The following ASXL2 variants were observed in gnomAD, a reference collection of about 807,000 sequenced individuals.
ASXL2 encodes ASXL transcriptional regulator 2.
A neutral mutation model predicts 122.0 loss-of-function variants in ASXL2; 23 were observed. The observed-to-expected ratio is 0.19, with a 90% CI of 0.14 to 0.27. ASXL2 has a LOEUF of 0.27. ASXL2 is among the 10% of genes least tolerant of loss of function. ASXL2 has a pLI of 1.00. For missense variants in ASXL2, 1,518 were observed against 1,713.8 expected (o/e 0.89, Z 2.02); for synonymous variants, 650 against 637.0 (o/e 1.02, Z -0.31).
At chr2:25,819,078 C>G (rs765510660) in intron 3 of ASXL2, among the ~76,000 whole-genome samples, 6 of 152,150 alleles carry the variant, frequency 3.9e-5, no homozygotes, top group African/African-American at 1.2e-4. Context: ...AATCCAGACC[C>G]TCAATCTGAT....
At chr2:25,817,451 C>T (rs75274092) in intron 3 of ASXL2, among the ~76,000 whole-genome samples, 1 of 152,214 alleles carries the variant, frequency 6.6e-6, no homozygotes, top group East Asian at 1.9e-4. Context: ...CTTTCTTGGT[C>T]TCTTCAATTA....
Position 25,767,618 on chromosome 2 carries a change from T to C in ASXL2, c.740A>G (p.Lys247Arg). ...KVENTLLGLG[K>R]KSFQRSERLH... The stretch of plus-strand genomic sequence containing the variant: ...TCTCTCAGATCTCTGGAATGACTTC[T>C]TCCCCAAGCCTAGTAAAGTATTTTC... The change falls in exon 8 of 13, where the codon AAG becomes AGG. Residue 247 changes from lysine (K) to arginine (R), a missense_variant. Around this residue, in one of 8 missense-constraint regions of ASXL2, gnomAD observed 198 missense variants for 209.0 expected, o/e 0.95. Transcript: ENST00000435504. 2 of 1,613,972 alleles carry C rather than the reference T, an allele frequency of 1.2e-6. No individual in the cohort carries two copies. The highest frequency in any genetic ancestry group is 1.1e-5 in the South Asian group (1 of 91,084).
chr2:25,742,817 T>A lies in ASXL2; in HGVS notation c.3520A>T (p.Ser1174Cys), dbSNP rs1339414658. Residue 1174 changes from serine to cysteine, a missense_variant, in exon 13 of 13, where the codon AGC becomes TGC. Physicochemically the swap from Ser to Cys is moderately radical, Grantham distance 112. This residue lies in a region of ASXL2 where 831 missense variants were observed against 833.1 expected (regional missense o/e 1.00). Coordinates refer to ENST00000435504, the MANE Select transcript of ASXL2 (RefSeq NM_018263.6). Reference sequence around the variant, plus strand: ...TCAGTGTCATCTTCTTTGCTGCTGCTACTCTCTCCTGTTGCATTTTTACAG... The same window carrying A: ...TCAGTGTCATCTTCTTTGCTGCTGCAACTCTCTCCTGTTGCATTTTTACAG... ...TDCKNATGES[S>C]SSKEDDTDEE... is the part of the protein sequence containing the mutation. The A allele has an allele frequency of 1.2e-6, 2 of 1,614,062 alleles. No individual in the cohort carries two copies. The highest frequency in any genetic ancestry group is 2.2e-5 in the South Asian group (2 of 91,086).
intron 2 of ASXL2, among the ~76,000 whole-genome samples, chr2:25,844,591 C>CA (rs903861995): frequency 3.8e-4 from 56 of 148,576 alleles, no homozygotes; most frequent in African/African-American, 1.1e-3. Context: ...AAAAAACAAA[C>CA]AAAAAAAACA....
intron 1 of ASXL2, among the ~76,000 whole-genome samples, chr2:25,872,324 G>C (rs55796218): frequency 0.042 from 6,464 of 152,140 alleles, 209 homozygotes; most frequent in African/African-American, 0.08. Context: ...AGAAGCTGCA[G>C]TGAGCTAAGA....
At chr2:25,781,959 C>CTTTTTTTTTTTTTTTTTTT in intron 5 of ASXL2, among the ~76,000 whole-genome samples, 1 of 88,400 alleles carries the variant, frequency 1.1e-5, no homozygotes, top group Non-Finnish European at 2.3e-5. Context: ...ACCGCCCGGG[C>CTTTTTTTTTTTTTTTTTTT]TTTTTTCTTT....
At chr2:25,816,557 C>T (rs1179598009) in intron 3 of ASXL2, among the ~76,000 whole-genome samples, 1 of 152,132 alleles carries the variant, frequency 6.6e-6, no homozygotes, top group Non-Finnish European at 1.5e-5. Context: ...AAGGAGAGAA[C>T]AATCCACAGC....
chr2:25,752,474 T>A (rs182780733), intron 11 of ASXL2, among the ~76,000 whole-genome samples: 3 of 152,316 alleles, frequency 2.0e-5, no homozygotes, highest in Non-Finnish European at 4.4e-5. Context: ...ATAGTCCACA[T>A]TACAAAATTC....
intron 3 of ASXL2, chr2:25,810,739 T>C (rs569762619): frequency 1.5e-5 from 9 of 597,608 alleles, no homozygotes; most frequent in African/African-American, 7.3e-5. Context: ...GTGTATCAAG[T>C]CTTGCCTTGA....
chr2:25,867,567 C>A (rs2089920246), intron 1 of ASXL2, among the ~76,000 whole-genome samples: 1 of 152,202 alleles, frequency 6.6e-6, no homozygotes, highest in African/African-American at 2.4e-5. Flanking sequence ...TCCCACCAGT[C>A]TTTCCTGCCC....
intron 1 of ASXL2, among the ~76,000 whole-genome samples, chr2:25,849,066 TATATATATATGGA>T (rs1339662430): frequency 2.2e-5 from 3 of 137,352 alleles, no homozygotes; most frequent in African/African-American, 8.3e-5. Context: ...AAAATTTACA[TATATATATATGGA>T]ATATTTATTT....
At chr2:25,868,509 C>T (rs1383814898) in intron 1 of ASXL2, among the ~76,000 whole-genome samples, 1 of 152,214 alleles carries the variant, frequency 6.6e-6, no homozygotes, top group Non-Finnish European at 1.5e-5. Flanking sequence ...TAACTACATT[C>T]GCATTTACCG....
chr2:25,771,113 G>C (rs1378670767), intron 6 of ASXL2, among the ~76,000 whole-genome samples: 1 of 152,114 alleles, frequency 6.6e-6, no homozygotes, highest in African/African-American at 2.4e-5. Flanking sequence ...GCAGGTGCCT[G>C]TAGTCCCAGC....
At chr2:25,819,096 A>T in intron 3 of ASXL2, among the ~76,000 whole-genome samples, 1 of 152,214 alleles carries the variant, frequency 6.6e-6, no homozygotes, top group Non-Finnish European at 1.5e-5. Context: ...GATAACCCAC[A>T]AGGATTGAAT....
Position 25,845,553 on chromosome 2 carries a change from T to A in ASXL2, c.68A>T (p.Lys23Ile). 7.1e-7 allele frequency: 1 copy of A among 1,410,724 alleles called. No individual in the cohort carries two copies. Among genetic ancestry groups the A allele is most frequent in the Non-Finnish European group, 9.4e-7 (1 of 1,066,876 alleles). 87.4% of individuals were successfully genotyped at this position (1,410,724 alleles called of 1,614,324 possible). ...ATGACTCATGGGTGTATTGGGGTAT[T>A]TTTCTAAGACCTGAAAAACAAGTAT... ...WAEAAKTVLE[K>I]YPNTPMSHKE... Residue 23 changes from lysine (K) to isoleucine (I), a missense_variant, in exon 2 of 13, where the codon AAA (lysine) becomes ATA (isoleucine). Lys to Ile is a moderately radical substitution (Grantham distance 102). This residue lies in a region of ASXL2 where 28 missense variants were observed against 42.2 expected (regional missense o/e 0.66). Coordinates refer to ENST00000435504, the MANE Select transcript of ASXL2 (RefSeq NM_018263.6).
chr2:25,865,437 CAAAATA>C (rs1413849595), intron 1 of ASXL2, among the ~76,000 whole-genome samples: 3 of 142,682 alleles, frequency 2.1e-5, no homozygotes, highest in African/African-American at 2.6e-5. Context: ...GTCTCAGAAA[CAAAATA>C]AAAATAAAAA....
chr2:25,849,009 C>T (rs545959408), intron 1 of ASXL2, among the ~76,000 whole-genome samples: 5 of 135,138 alleles, frequency 3.7e-5, no homozygotes, highest in African/African-American at 8.6e-5. Context: ...CACACCATTG[C>T]GCTCCAACCT....
intron 3 of ASXL2, among the ~76,000 whole-genome samples, chr2:25,814,127 T>C (rs896382982): frequency 5.3e-5 from 8 of 152,192 alleles, no homozygotes; most frequent in African/African-American, 1.9e-4. Context: ...TATAATTTTC[T>C]TTGAAGGAAA....
chr2:25,822,537 T>C (rs2089324636), intron 3 of ASXL2: 1 of 496,818 alleles, frequency 2.0e-6, no homozygotes, highest in Non-Finnish European at 3.9e-6. Context: ...GTGAACACAG[T>C]AAGGATGTTC....
Sources: gnomAD v4.1 joint callset for allele counts (sites outside exome capture counted in the v4.1 genomes callset) on GRCh38, gnomAD v4.1.1 for gene constraint, gnomAD v4.1.1 regional missense constraint, MANE v1.5 for transcripts, NCBI Gene and HGNC (gene_info 2026-07-23, HGNC 2026-07-21) for gene names.